Variants in CD58 observed in about 807,000 individuals in gnomAD.
The protein encoded by CD58 is lymphocyte function-associated antigen 3.
CD58 carries 14 observed loss-of-function variants against 27.6 expected under a neutral mutation model. That is an observed-to-expected ratio of 0.51 (90% CI 0.34 to 0.79). The LOEUF is 0.79. Among genes scored for constraint, CD58 ranks in the 30% least tolerant of loss-of-function variants. CD58 has a pLI of 0.02. For missense variants in CD58, 268 were observed against 301.7 expected (o/e 0.89, Z 0.83); for synonymous variants, 117 against 103.8 (o/e 1.13, Z -0.77).
intron 3 of CD58, among the ~76,000 whole-genome samples, chr1:116,526,639 T>A (rs1657442730): frequency 6.6e-6 from 1 of 152,216 alleles, no homozygotes; most frequent in Non-Finnish European, 1.5e-5. Flanking sequence ...CCTACAATTT[T>A]GTTCTCCTTC....
chr1:116,547,123 T>C (rs1468841593), intron 1 of CD58, among the ~76,000 whole-genome samples: 6 of 151,424 alleles, frequency 4.0e-5, no homozygotes, highest in Non-Finnish European at 8.8e-5. Context: ...GTGTACACTG[T>C]ACCCAGTGTG....
rs1657497015 is a variant in CD58 at position 116,528,555 on chromosome 1, G to A, written c.629-6572C>T. 6.6e-6 allele frequency among the ~76,000 whole-genome samples: 1 copy of A among 152,150 alleles called. No homozygotes were observed. The highest frequency in any genetic ancestry group is 1.5e-5 in the Non-Finnish European group (1 of 68,028). Reference sequence around the variant, plus strand: ...GGTCCATAAATGTGTACAACAGTTGGAAACTGGTACTCTAGAGAATATCCT... The same window carrying A: ...GGTCCATAAATGTGTACAACAGTTGAAAACTGGTACTCTAGAGAATATCCT... On this transcript the variant is annotated intron_variant, in intron 3 of 5. Transcript: ENST00000369489. This position sits in a 1 kb window ranked among gnomAD's most constrained non-coding sequence, Gnocchi z 4.4.
At chr1:116,530,849 G>T (rs1657580593) in intron 3 of CD58, among the ~76,000 whole-genome samples, 1 of 152,106 alleles carries the variant, frequency 6.6e-6, no homozygotes, top group Non-Finnish European at 1.5e-5. Flanking sequence ...TCAGCTCCTG[G>T]TTTGCATTTT....
Position 116,536,181 on chromosome 1 carries a change from T to C in CD58, c.412A>G (p.Ile138Val). Residue 138 changes from isoleucine to valine, a missense_variant, in exon 3 of 6, where the codon ATT becomes GTT. Physicochemically the swap from Ile to Val is conservative, Grantham distance 29. Coordinates refer to ENST00000369489, the MANE Select transcript of CD58 (RefSeq NM_001779.3). The surrounding 1 kb of genome is among the most constrained non-coding windows in gnomAD (Gnocchi z 5.4). ...TLTCALTNGS[I>V]EVQCMIPEHY... Reference sequence around the variant, plus strand: ...TCTGGTATCATGCATTGGACTTCAATGCTTCCATTAGTCAATGCACAAGTT... The same window carrying C: ...TCTGGTATCATGCATTGGACTTCAACGCTTCCATTAGTCAATGCACAAGTT... 1 of 1,613,246 alleles carries C rather than the reference T, an allele frequency of 6.2e-7. No individual in the cohort carries two copies. The highest frequency in any genetic ancestry group is 8.5e-7 in the Non-Finnish European group (1 of 1,179,302).
rs1181562323 is a variant in CD58 at position 116,519,757 on chromosome 1, C to T, written c.707-490G>A. Reference sequence around the variant, plus strand: ...GAGATATTTTATATTCTTTCACACACGGTCTTAGAAACATATTATTTTACA... The same window carrying T: ...GAGATATTTTATATTCTTTCACACATGGTCTTAGAAACATATTATTTTACA... On this transcript the variant is annotated intron_variant, in intron 4 of 5. Coordinates refer to ENST00000369489, the MANE Select transcript of CD58 (RefSeq NM_001779.3). The surrounding 1 kb of genome is among the most constrained non-coding windows in gnomAD (Gnocchi z 4.7). 1.3e-5 allele frequency among the ~76,000 whole-genome samples: 2 copies of T among 152,314 alleles called. No individual in the cohort carries two copies. Among genetic ancestry groups the T allele is most frequent in the South Asian group, 2.1e-4 (1 of 4,830 alleles).
rs1184737624 is a variant in CD58 at position 116,532,666 on chromosome 1, G to T, written c.628+3299C>A. ...CTATGGGGCCCTCCCGCAGGGAAGGGTCCAGGCAAGTCCAGAGCTACAGGC... is the reference window on the plus strand; with the variant it reads ...CTATGGGGCCCTCCCGCAGGGAAGGTTCCAGGCAAGTCCAGAGCTACAGGC... On this transcript the variant is annotated intron_variant, in intron 3 of 5. Transcript: ENST00000369489. The surrounding 1 kb of genome is among the most constrained non-coding windows in gnomAD (Gnocchi z 5.1). Among the ~76,000 whole-genome samples, 1 of 152,234 alleles carries T rather than the reference G, an allele frequency of 6.6e-6. No individual in the cohort carries two copies. The highest frequency in any genetic ancestry group is 2.4e-5 in the African/African-American group (1 of 41,464).
rs1218202382 is a variant in CD58, at chr1:116,519,801, T to C, written c.707-534A>G. Among the ~76,000 whole-genome samples the C allele has an allele frequency of 6.6e-6, 1 of 152,222 alleles. No homozygotes were observed. The highest frequency in any genetic ancestry group is 2.4e-5 in the African/African-American group (1 of 41,460). ...TTTTACACTCACAGCACATGATAAT[T>C]TGGACTCCCACATTTCAAGTGCTCC... On this transcript the variant is annotated intron_variant, in intron 4 of 5. Coordinates refer to ENST00000369489, the MANE Select transcript of CD58 (RefSeq NM_001779.3). This position sits in a 1 kb window ranked among gnomAD's most constrained non-coding sequence, Gnocchi z 4.7.
chr1:116,555,209 G>A (rs1300639484), intron 1 of CD58, among the ~76,000 whole-genome samples: 1 of 152,022 alleles, frequency 6.6e-6, no homozygotes, highest in African/African-American at 2.4e-5. Flanking sequence ...GGCCCAGGGT[G>A]AACTCCCAAA....
At chr1:116,544,917 G>A (rs1478770302) in intron 1 of CD58, among the ~76,000 whole-genome samples, 1 of 152,214 alleles carries the variant, frequency 6.6e-6, no homozygotes, top group Non-Finnish European at 1.5e-5. Context: ...TACATCAGGG[G>A]CTGCATGAGG....
intron 1 of CD58, among the ~76,000 whole-genome samples, chr1:116,554,107 A>G (rs1658483374): frequency 6.6e-6 from 1 of 152,262 alleles, no homozygotes; most frequent in African/African-American, 2.4e-5. Context: ...TTCACTGAAT[A>G]CTGGGATCTG....
intron 3 of CD58, chr1:116,533,109 G>A: frequency 1.3e-6 from 1 of 747,550 alleles, no homozygotes; most frequent in Admixed American, 1.8e-5. Flanking sequence ...ACAGCCTGTG[G>A]TCCGCTCACG....
chr1:116,564,982 A>T (rs947304771), intron 1 of CD58, among the ~76,000 whole-genome samples: 2 of 152,094 alleles, frequency 1.3e-5, no homozygotes, highest in African/African-American at 4.8e-5. Flanking sequence ...ATGTCATTCC[A>T]CTAATGCAAG....
Position 116,570,960 on chromosome 1 carries a change from T to TC in CD58, c.12dup (p.Ser5GlufsTer58). 1 of 1,561,588 alleles carries TC rather than the reference T, an allele frequency of 6.4e-7. No homozygotes were observed. Among genetic ancestry groups the TC allele is most frequent in the Non-Finnish European group, 8.6e-7 (1 of 1,160,388 alleles). On this transcript the variant is annotated frameshift_variant, in exon 1 of 6. Transcript: ENST00000369489. LOFTEE classifies it high-confidence loss of function. The surrounding 1 kb of genome is among the most constrained non-coding windows in gnomAD (Gnocchi z 6.4). Reference sequence around the variant, plus strand: ...ACCCCCAGGGCCCGCCCCGCGTCGCTCCCAGCAACCATGGCTCGTCGGGCC... The same window carrying TC: ...ACCCCCAGGGCCCGCCCCGCGTCGCTCCCCAGCAACCATGGCTCGTCGGGCC...
intron 2 of CD58, among the ~76,000 whole-genome samples, chr1:116,537,512 T>A (rs939756620): frequency 1.3e-5 from 2 of 152,178 alleles, no homozygotes; most frequent in African/African-American, 4.8e-5. Context: ...TGCCTATTGG[T>A]TGGGCTGGAC....
rs1454797833 is a variant in CD58, at chr1:116,559,761, C to A, written c.70+11142G>T. 6.6e-6 allele frequency among the ~76,000 whole-genome samples: 1 copy of A among 152,202 alleles called. No homozygotes were observed. Among genetic ancestry groups the A allele is most frequent in the Non-Finnish European group, 1.5e-5 (1 of 68,044 alleles). On this transcript the variant is annotated intron_variant, in intron 1 of 5. Coordinates refer to ENST00000369489, the MANE Select transcript of CD58 (RefSeq NM_001779.3). The surrounding 1 kb of genome is among the most constrained non-coding windows in gnomAD (Gnocchi z 4.4). The stretch of plus-strand genomic sequence containing the variant: ...TTCTCTAAATCAACTTCTTTCTGTA[C>A]TTTCCTTCTAATATGATGCTAAAAT...
intron 1 of CD58, among the ~76,000 whole-genome samples, chr1:116,558,491 T>C (rs1333182772): frequency 1.3e-5 from 2 of 152,230 alleles, no homozygotes; most frequent in African/African-American, 4.8e-5. Flanking sequence ...CACACCCATA[T>C]ATGCATTTAT....
rs535523214 is a variant in CD58 at position 116,550,029 on chromosome 1, GA to G, written c.71-5426del. On this transcript the variant is annotated intron_variant, in intron 1 of 5. Coordinates refer to ENST00000369489, the MANE Select transcript of CD58 (RefSeq NM_001779.3). This position sits in a 1 kb window ranked among gnomAD's most constrained non-coding sequence, Gnocchi z 4.2. ...TTTAATTAAAAAATACTTTATTGCT[GA>G]AAAAAAAAACATGCTAACAATCATT... Among the ~76,000 whole-genome samples the G allele has an allele frequency of 3.9e-3, 580 of 148,262 alleles. 3 individuals are homozygous for G. Among genetic ancestry groups the G allele is most frequent in the African/African-American group, 0.012 (490 of 40,540 alleles).
At chr1:116,566,955 A>T (rs1424013355) in intron 1 of CD58, among the ~76,000 whole-genome samples, 1 of 151,616 alleles carries the variant, frequency 6.6e-6, no homozygotes. Context: ...CCTGGGCAAC[A>T]TGGCAAAACC....
intron 1 of CD58, among the ~76,000 whole-genome samples, chr1:116,569,294 T>C (rs1659042206): frequency 6.6e-6 from 1 of 152,190 alleles, no homozygotes; most frequent in Admixed American, 6.5e-5. Context: ...ACCCTGGCCT[T>C]CTGGCCTCCC....
Sources: allele counts gnomAD v4.1 joint callset (sites outside exome capture counted in the v4.1 genomes callset), GRCh38; gene constraint gnomAD v4.1.1; non-coding constraint Gnocchi (gnomAD v3.1); transcripts MANE v1.5; gene names NCBI Gene and HGNC (gene_info 2026-07-23, HGNC 2026-07-21).